The following GLIS3 variants were observed in gnomAD, a reference collection of about 807,000 sequenced individuals.
The protein encoded by GLIS3 is GLIS family zinc finger 3.
GLIS3 carries 53 observed loss-of-function variants against 78.6 expected under a neutral mutation model. That is an observed-to-expected ratio of 0.67 (90% CI 0.54 to 0.85). The LOEUF is 0.85. Among genes scored for constraint, GLIS3 ranks in the 40% least tolerant of loss-of-function variants. The pLI, the probability that GLIS3 is intolerant of heterozygous loss-of-function variation, is 0.00. For synonymous variants in GLIS3, 684 were observed against 509.9 expected, an observed-to-expected ratio of 1.34 and a Z score of -4.60; for missense variants, 1,703 against 1,231.1, an observed-to-expected ratio of 1.38 and a Z score of -5.74.
the GLIS3 span, among the ~76,000 whole-genome samples, chr9:4,392,605 T>C: frequency 1.3e-5 from 2 of 152,176 alleles, no homozygotes; most frequent in African/African-American, 4.8e-5. Context: ...CTTTTGTATC[T>C]GGTCCCAGAC....
intron 4 of GLIS3, among the ~76,000 whole-genome samples, chr9:4,044,340 T>C (rs1329370278): frequency 6.6e-6 from 1 of 152,186 alleles, no homozygotes; most frequent in African/African-American, 2.4e-5. Flanking sequence ...CTGTAGGAGA[T>C]ATTAAGTAAT....
chr9:4,276,564 G>GGGAAGGGA (rs1563882143), intron 2 of GLIS3, among the ~76,000 whole-genome samples: 1 of 111,524 alleles, frequency 9.0e-6, no homozygotes, highest in African/African-American at 3.3e-5. Context: ...GAGGGGAGGG[G>GGGAAGGGA]AGGGAAGAGA....
the GLIS3 span, among the ~76,000 whole-genome samples, chr9:4,411,805 C>A: frequency 6.6e-6 from 1 of 152,202 alleles, no homozygotes; most frequent in African/African-American, 2.4e-5. Flanking sequence ...TTTTTCTCTG[C>A]AATCCTCTTC....
chr9:3,964,757 G>C (rs1340673293), intron 4 of GLIS3, among the ~76,000 whole-genome samples: 1 of 152,172 alleles, frequency 6.6e-6, no homozygotes, highest in Non-Finnish European at 1.5e-5. Flanking sequence ...AATAGCAAAA[G>C]CCAATACCTT....
chr9:4,281,594 T>C (rs900995821), intron 2 of GLIS3, among the ~76,000 whole-genome samples: 1 of 152,230 alleles, frequency 6.6e-6, no homozygotes, highest in African/African-American at 2.4e-5. Flanking sequence ...ATCATCCATG[T>C]TGTGGCATGT....
intron 4 of GLIS3, among the ~76,000 whole-genome samples, chr9:3,996,255 C>T (rs1820738075): frequency 6.6e-6 from 1 of 151,944 alleles, no homozygotes; most frequent in Non-Finnish European, 1.5e-5. Flanking sequence ...AAAAGATGTC[C>T]TTCAGAAAAA....
chr9:4,335,295 T>C lies in GLIS3; in HGVS notation n.264+11786A>G, dbSNP rs1210408335. Among the ~76,000 whole-genome samples, 3 of 152,152 alleles carry C rather than the reference T, an allele frequency of 2.0e-5. No homozygotes were observed. The East Asian group carries it at 5.8e-4, about 29-fold the overall frequency. ...GAAATAACTCCAGTGACGATCAAAGTCTATACCACAAAGTGAAATGAAGCC... is the reference window on the plus strand; with the variant it reads ...GAAATAACTCCAGTGACGATCAAAGCCTATACCACAAAGTGAAATGAAGCC... On this transcript the variant is annotated intron_variant and non_coding_transcript_variant, in intron 2 of 4. Coordinates refer to the GLIS3 transcript ENST00000471664.
At chr9:4,035,431 C>A (rs533487861) in intron 4 of GLIS3, among the ~76,000 whole-genome samples, 2 of 151,576 alleles carry the variant, frequency 1.3e-5, no homozygotes, top group East Asian at 3.9e-4. Flanking sequence ...CTACCTCTCA[C>A]CTATCTCGTA....
intron 7 of GLIS3, among the ~76,000 whole-genome samples, chr9:3,894,979 T>A (rs1822719635): frequency 6.6e-6 from 1 of 152,206 alleles, no homozygotes; most frequent in African/African-American, 2.4e-5. Context: ...GGTCATGTTT[T>A]ACTGAATCTG....
the GLIS3 span, among the ~76,000 whole-genome samples, chr9:4,402,043 T>C: frequency 6.6e-6 from 1 of 152,208 alleles, no homozygotes; most frequent in African/African-American, 2.4e-5. Flanking sequence ...TCTCTGGACA[T>C]GCCCAGGGCC....
intron 2 of GLIS3, among the ~76,000 whole-genome samples, chr9:4,203,493 CTTAAAA>C (rs1202425687): frequency 6.6e-6 from 1 of 151,938 alleles, no homozygotes; most frequent in Non-Finnish European, 1.5e-5. Context: ...TAGCCTGGAA[CTTAAAA>C]TTAAATTAAA....
the GLIS3 span, among the ~76,000 whole-genome samples, chr9:4,426,822 G>T: frequency 6.6e-6 from 1 of 152,210 alleles, no homozygotes; most frequent in Non-Finnish European, 1.5e-5. Flanking sequence ...ACTTCACAGA[G>T]TTGTGTAAGG....
At chr9:4,127,849 G>A (rs1033270862) in intron 2 of GLIS3, among the ~76,000 whole-genome samples, 1 of 152,144 alleles carries the variant, frequency 6.6e-6, no homozygotes, top group African/African-American at 2.4e-5. Flanking sequence ...CAGAAAAAAG[G>A]TATTAATATC....
the GLIS3 span, among the ~76,000 whole-genome samples, chr9:4,489,848 T>G: frequency 6.6e-6 from 1 of 152,226 alleles, no homozygotes; most frequent in Non-Finnish European, 1.5e-5. Context: ...CCAAGCCCAG[T>G]GTCCACAGAC....
At chr9:4,151,522 T>A (rs1468439969) in intron 2 of GLIS3, among the ~76,000 whole-genome samples, 1 of 152,172 alleles carries the variant, frequency 6.6e-6, no homozygotes. Context: ...CTTGACAGCA[T>A]AATTTTTTTA....
the GLIS3 span, among the ~76,000 whole-genome samples, chr9:4,416,351 A>T: frequency 2.0e-5 from 3 of 151,738 alleles, no homozygotes; most frequent in Non-Finnish European, 4.4e-5. Context: ...TTTTTTGTCA[A>T]AATTTTAAAA....
chr9:4,388,898 C>T, the GLIS3 span, among the ~76,000 whole-genome samples: 1 of 152,012 alleles, frequency 6.6e-6, no homozygotes, highest in Non-Finnish European at 1.5e-5. Context: ...AAGAGATGCT[C>T]CAGATCACAC....
chr9:4,408,213 C>G, the GLIS3 span, among the ~76,000 whole-genome samples: 3 of 151,590 alleles, frequency 2.0e-5, no homozygotes, highest in Admixed American at 6.6e-5. Flanking sequence ...TGGAGGTTCC[C>G]TAGAAAACAA....
At chr9:3,883,779 A>G (rs1017684254) in intron 7 of GLIS3, among the ~76,000 whole-genome samples, 18 of 152,244 alleles carry the variant, frequency 1.2e-4, no homozygotes, top group Non-Finnish European at 2.9e-5. Context: ...GATGACTGGC[A>G]GCTGGAACAA....
Sources: gnomAD v4.1 joint callset for allele counts (sites outside exome capture counted in the v4.1 genomes callset) on GRCh38, gnomAD v4.1.1 for gene constraint, MANE v1.5 for transcripts, NCBI Gene and HGNC (gene_info 2026-07-23, HGNC 2026-07-21) for gene names.